Variants in CUBN observed in about 807,000 individuals in gnomAD.
CUBN encodes 460 kDa receptor.
In CUBN, 282 loss-of-function variants were observed where a neutral mutation model predicts 405.3. The ratio of observed to expected loss-of-function variants is 0.70; its 90% confidence interval spans 0.63 to 0.77. CUBN has a LOEUF of 0.77. CUBN is among the 30% of genes least tolerant of loss of function. The pLI is 0.00. For synonymous variants in CUBN, 1,684 were observed against 1,617.0 expected (o/e 1.04, Z -0.99); for missense variants, 4,514 against 4,475.2 (o/e 1.01, Z -0.25).
chr10:16,870,032 A>G (rs1840305409), intron 58 of CUBN, among the ~76,000 whole-genome samples, 179 bp from the exon 59 acceptor site: 1 of 152,216 alleles, frequency 6.6e-6, no homozygotes, highest in Non-Finnish European at 1.5e-5. Flanking sequence ...AGTTTAGCCA[A>G]ATTTGTTTTT....
At chr10:16,840,842 C>T (rs768449501) in intron 61 of CUBN, 43 bp downstream of exon 61, 29 of 1,510,318 alleles carry the variant, frequency 1.9e-5, no homozygotes, top group Non-Finnish European at 2.8e-6. Context: ...TGCATAAATA[C>T]ATGTGTATTT....
At chr10:16,966,906 A>G (rs1433951521) in intron 31 of CUBN, among the ~76,000 whole-genome samples, 1 of 152,184 alleles carries the variant, frequency 6.6e-6, no homozygotes, top group African/African-American at 2.4e-5. Flanking sequence ...GAGGATCGAG[A>G]GTCCATGAGG....
chr10:17,110,509 C>T (rs1353012834), intron 9 of CUBN, among the ~76,000 whole-genome samples: 2 of 152,144 alleles, frequency 1.3e-5, no homozygotes, highest in African/African-American at 4.8e-5. Context: ...TATTTCCTCT[C>T]CTAAGACAGA....
At position 16,929,605 on chromosome 10, in the gene CUBN, T is replaced by C. The variant is rs566985559; in HGVS notation, c.6125-1302A>G. On this transcript the variant is annotated intron_variant, in intron 40 of 66. Transcript: ENST00000377833. ...GATTACAAATGTAATGGCAGAGTTA[T>C]AAATACAAAATGCTCAAAATGGCAT... 7.9e-5 allele frequency among the ~76,000 whole-genome samples: 12 copies of C among 152,316 alleles called. 1 individual carries two copies. The South Asian group carries it at 2.5e-3, about 32-fold the overall frequency.
chr10:16,929,433 T>A (rs770858320), intron 40 of CUBN, among the ~76,000 whole-genome samples: 8 of 152,104 alleles, frequency 5.3e-5, no homozygotes, highest in Non-Finnish European at 1.0e-4. Flanking sequence ...AAATCTCGAG[T>A]TTATAAAAAA....
At chr10:17,052,759 CAAAAAAAAAAAAAA>C (rs10574636) in intron 22 of CUBN, among the ~76,000 whole-genome samples, 4 of 55,088 alleles carry the variant, frequency 7.3e-5, no homozygotes, top group East Asian at 1.1e-3. Flanking sequence ...GACTCAGTCT[CAAAAAAAAAAAAAA>C]AAAAAAAAAA....
intron 28 of CUBN, among the ~76,000 whole-genome samples, chr10:16,993,992 A>T (rs1833662918): frequency 6.6e-6 from 1 of 152,226 alleles, no homozygotes; most frequent in African/African-American, 2.4e-5. Flanking sequence ...GCAAATGCAA[A>T]ATAGGATAGA....
intron 31 of CUBN, among the ~76,000 whole-genome samples, chr10:16,974,418 T>A (rs1370941897): frequency 6.6e-6 from 1 of 151,966 alleles, no homozygotes; most frequent in African/African-American, 2.4e-5. Flanking sequence ...ATTTTCCAAC[T>A]ACAATTAACT....
Position 16,918,613 on chromosome 10 carries a change from A to G in CUBN, c.7000+9T>C. ...GAACCTAAAATAAAAGTTTTAAAAA[A>G]ATTATTACCTATAGAATACTTGGCC... On this transcript the variant is annotated intron_variant, in intron 45 of 66. Coordinates refer to ENST00000377833, the MANE Select transcript of CUBN (RefSeq NM_001081.4). 6.2e-7 allele frequency: 1 copy of G among 1,610,222 alleles called. No individual in the cohort carries two copies. Among genetic ancestry groups the G allele is most frequent in the Non-Finnish European group, 8.5e-7 (1 of 1,177,384 alleles).
intron 27 of CUBN, among the ~76,000 whole-genome samples, chr10:17,028,471 A>C (rs891193915): frequency 6.6e-6 from 1 of 151,978 alleles, no homozygotes; most frequent in African/African-American, 2.4e-5. Flanking sequence ...CTGTAATCCC[A>C]GCACTTTGGG....
chr10:17,090,817 A>T (rs2131285361), intron 14 of CUBN, among the ~76,000 whole-genome samples: 1 of 143,966 alleles, frequency 6.9e-6, no homozygotes, highest in South Asian at 2.2e-4. Context: ...AAGAGGTAGA[A>T]ATGTAAAGTA....
In CUBN at chr10:16,888,541, A is replaced by G. The variant is rs568744419; in HGVS notation, c.8781T>C (p.Pro2927=). The change falls in exon 56 of 67, where the codon CCT becomes CCC. Residue 2927 remains proline, a synonymous_variant. Coordinates refer to ENST00000377833, the MANE Select transcript of CUBN (RefSeq NM_001081.4). The part of the protein sequence containing the change: ...VSRCGSNFTG[P]SGYIISPNYP... ...AATTTGGAGAAATGATGTAACCTGA[A>G]GGGCCAGTGAAATTACTTCCACATC... 2 of 1,613,722 alleles carry G rather than the reference A, an allele frequency of 1.2e-6. No individual in the cohort carries two copies. The highest frequency in any genetic ancestry group is 2.2e-5 in the South Asian group (2 of 91,066).
intron 27 of CUBN, among the ~76,000 whole-genome samples, chr10:17,022,817 C>G (rs376636777): frequency 1.3e-5 from 2 of 152,166 alleles, no homozygotes; most frequent in African/African-American, 4.8e-5. Flanking sequence ...CAAATCTTAA[C>G]CTTTGGATTG....
At chr10:16,998,485 C>A (rs1035490602) in intron 28 of CUBN, among the ~76,000 whole-genome samples, 4 of 152,194 alleles carry the variant, frequency 2.6e-5, no homozygotes, top group African/African-American at 9.7e-5. Context: ...ACCCTGCCAA[C>A]ACCTTGACTT....
At chr10:16,919,171 A>T (rs1384978154) in intron 44 of CUBN, among the ~76,000 whole-genome samples, 2 of 152,234 alleles carry the variant, frequency 1.3e-5, no homozygotes, top group Non-Finnish European at 2.9e-5. Context: ...GGACAAAGAT[A>T]AATTCTCTAA....
At chr10:16,889,727 C>G (rs143261240) in intron 55 of CUBN, among the ~76,000 whole-genome samples, 1 of 150,158 alleles carries the variant, frequency 6.7e-6, no homozygotes, top group South Asian at 2.1e-4. Context: ...AACCCCGTCT[C>G]TACTAAAAAT....
chr10:16,905,725 A>G (rs1191644781), intron 50 of CUBN, among the ~76,000 whole-genome samples: 2 of 152,192 alleles, frequency 1.3e-5, no homozygotes, highest in Non-Finnish European at 2.9e-5. Flanking sequence ...GGGCACACAC[A>G]GAATTATGGC....
chr10:16,919,836 A>G (rs1390716088), intron 44 of CUBN, 127 bp downstream of exon 44: 1 of 1,042,712 alleles, frequency 9.6e-7, no homozygotes, highest in African/African-American at 1.6e-5. Context: ...TGAGCCATTA[A>G]GCATTTCCCT....
intron 64 of CUBN, among the ~76,000 whole-genome samples, chr10:16,831,911 A>T (rs1052816951): frequency 6.6e-6 from 1 of 152,222 alleles, no homozygotes; most frequent in Non-Finnish European, 1.5e-5. Flanking sequence ...GCTATGAAAA[A>T]ATACAATGCA....
Sources: gnomAD v4.1 joint callset for allele counts (sites outside exome capture counted in the v4.1 genomes callset) on GRCh38, gnomAD v4.1.1 for gene constraint, MANE v1.5 for transcripts, NCBI Gene and HGNC (gene_info 2026-07-23, HGNC 2026-07-21) for gene names.